The following FAM120B variants were observed in gnomAD, a reference collection of about 807,000 sequenced individuals.
The protein encoded by FAM120B is constitutive coactivator of peroxisome proliferator-activated receptor gamma.
FAM120B carries 83 observed loss-of-function variants against 96.3 expected under a neutral mutation model. That is an observed-to-expected ratio of 0.86 (90% CI 0.72 to 1.03). The LOEUF (loss-of-function observed/expected upper bound fraction) is 1.03. Among genes scored for constraint, FAM120B ranks in the 50% least tolerant of loss-of-function variants. The pLI is 0.00. For missense variants in FAM120B, 1,027 were observed against 1,121.2 expected, an observed-to-expected ratio of 0.92 and a Z score of 1.20; for synonymous variants, 407 against 402.7, an observed-to-expected ratio of 1.01 and a Z score of -0.13.
rs368053635 is a variant in FAM120B, at chr6:170,318,345, A to T, written c.955A>T (p.Lys319Ter). The change falls in exon 2 of 11, where the codon AAA becomes TAA. Residue 319 changes from lysine (K) to a stop codon, truncating the protein, a stop_gained. Coordinates refer to ENST00000476287, the MANE Select transcript of FAM120B (RefSeq NM_032448.3). LOFTEE classifies it high-confidence loss of function. ...ATCTCCATGGTTTTTCCAAAAACCCAAAGGTGTAATAACTTTGGACAAACA... is the reference window on the plus strand; with the variant it reads ...ATCTCCATGGTTTTTCCAAAAACCCTAAGGTGTAATAACTTTGGACAAACA... ...QKSPWFFQKP[K>*]GVITLDKQVI... The T allele has an allele frequency of 6.2e-7, 1 of 1,614,226 alleles. No individual in the cohort carries two copies. Among genetic ancestry groups the T allele is most frequent in the Non-Finnish European group, 8.5e-7 (1 of 1,180,044 alleles).
At chr6:170,376,769 G>A (rs527659663) in intron 6 of FAM120B, among the ~76,000 whole-genome samples, 5 of 152,240 alleles carry the variant, frequency 3.3e-5, no homozygotes, top group Non-Finnish European at 7.3e-5. Context: ...TAGCCAGATG[G>A]GAACATGGAG....
At chr6:170,387,925 A>G (rs1267774462) in intron 6 of FAM120B, among the ~76,000 whole-genome samples, 1 of 152,228 alleles carries the variant, frequency 6.6e-6, no homozygotes. Context: ...CTAGTGGACC[A>G]CAGTTTTCAC....
chr6:170,404,604 A>G lies in FAM120B; in HGVS notation c.*11+3A>G. ...AGAAGGTACTAGTCAACCTCCAGGT[A>G]AGTTCATCACCTGCATCTCCAGAAG... On this transcript the variant is annotated splice_donor_region_variant and intron_variant, in intron 10 of 10. Transcript: ENST00000476287. 6.2e-7 allele frequency: 1 copy of G among 1,608,702 alleles called. No homozygotes were observed. The highest frequency in any genetic ancestry group is 8.5e-7 in the Non-Finnish European group (1 of 1,175,084).
intron 9 of FAM120B, among the ~76,000 whole-genome samples, chr6:170,396,318 C>T (rs748033924): frequency 2.6e-5 from 4 of 152,150 alleles, no homozygotes; most frequent in Non-Finnish European, 5.9e-5. Flanking sequence ...GGGTCTGTCT[C>T]GGGTGGAGTC....
intron 9 of FAM120B, among the ~76,000 whole-genome samples, chr6:170,399,665 A>G (rs28447672): frequency 5.8e-5 from 8 of 137,246 alleles, no homozygotes; most frequent in South Asian, 4.9e-4. Flanking sequence ...GTCATAACTT[A>G]GGAGTGAGTG....
chr6:170,400,841 G>A (rs1039224734), intron 9 of FAM120B, among the ~76,000 whole-genome samples: 9 of 152,168 alleles, frequency 5.9e-5, no homozygotes, highest in African/African-American at 1.9e-4. Flanking sequence ...GTGGCCTGGC[G>A]GGAGCAGAGC....
chr6:170,405,715 G>A lies in FAM120B; in HGVS notation c.*964G>A, dbSNP rs1357724538. ...CAACTAACTTCCCATCTTTCTGGTG[G>A]AAGAGTTAATTCTGCCTGGAGGGTT... is the stretch of plus-strand genomic sequence containing the variant. On this transcript the variant is annotated 3_prime_UTR_variant, in exon 11 of 11. Coordinates refer to ENST00000476287, the MANE Select transcript of FAM120B (RefSeq NM_032448.3). 6.6e-6 allele frequency: 1 copy of A among 152,224 alleles called. No individual in the cohort carries two copies. Among genetic ancestry groups the A allele is most frequent in the East Asian group, 1.9e-4 (1 of 5,196 alleles). 9.4% of individuals were successfully genotyped at this position (152,224 alleles called of 1,614,324 possible).
chr6:170,290,802 T>G, upstream of FAM120B: 1 of 589,792 alleles, frequency 1.7e-6, no homozygotes, highest in Non-Finnish European at 3.0e-6. This position sits in a 1 kb window ranked among gnomAD's most constrained non-coding sequence, Gnocchi z 4.7. Context: ...GCCAATGCCA[T>G]CCAGTACACA....
chr6:170,292,515 G>A (rs1783907765), upstream of FAM120B, among the ~76,000 whole-genome samples: 1 of 152,236 alleles, frequency 6.6e-6, no homozygotes, highest in South Asian at 2.1e-4. The surrounding 1 kb of genome is among the most constrained non-coding windows in gnomAD (Gnocchi z 6.6). Flanking sequence ...CCTGGCCACA[G>A]TGTCCTCACT....
At chr6:170,356,043 G>A (rs1018149310) in intron 5 of FAM120B, among the ~76,000 whole-genome samples, 9 of 152,286 alleles carry the variant, frequency 5.9e-5, no homozygotes, top group South Asian at 2.1e-4. Flanking sequence ...GTCACGCAGC[G>A]CAGTTCTACC....
chr6:170,367,784 A>G lies in FAM120B; in HGVS notation c.2283+9466A>G, dbSNP rs185875751. The stretch of plus-strand genomic sequence containing the variant: ...CTATCTTATTCTTAGAAAAATGAAG[A>G]TATAATTATGTGTCTTGGCATTGGT... On this transcript the variant is annotated intron_variant, in intron 6 of 10. Coordinates refer to ENST00000476287, the MANE Select transcript of FAM120B (RefSeq NM_032448.3). Among the ~76,000 whole-genome samples, 613 of 152,346 alleles carry G rather than the reference A, an allele frequency of 4.0e-3. 3 individuals are homozygous for G. Among genetic ancestry groups the G allele is most frequent in the South Asian group, 0.011 (51 of 4,828 alleles).
intron 1 of FAM120B, among the ~76,000 whole-genome samples, chr6:170,310,375 T>C (rs1287473056): frequency 1.3e-5 from 2 of 152,176 alleles, no homozygotes; most frequent in Non-Finnish European, 2.9e-5. Flanking sequence ...GGAGAGATCT[T>C]GGGTAAGGAA....
chr6:170,309,512 T>C (rs563417831), intron 1 of FAM120B, among the ~76,000 whole-genome samples: 2 of 152,358 alleles, frequency 1.3e-5, no homozygotes, highest in South Asian at 4.1e-4. Flanking sequence ...TCAGTTCTTA[T>C]TATAGAACAT....
chr6:170,353,478 G>T (rs892397823), intron 5 of FAM120B, among the ~76,000 whole-genome samples: 5 of 152,130 alleles, frequency 3.3e-5, no homozygotes, highest in Non-Finnish European at 5.9e-5. Flanking sequence ...TATCCTTGAT[G>T]AACATTGATG....
intron 4 of FAM120B, among the ~76,000 whole-genome samples, chr6:170,333,682 C>T (rs1172515057): frequency 2.6e-5 from 4 of 152,206 alleles, no homozygotes; most frequent in East Asian, 3.9e-4. Flanking sequence ...GTCTGGGTTT[C>T]GCCTTGTTGG....
intron 8 of FAM120B, among the ~76,000 whole-genome samples, chr6:170,393,014 T>C (rs1392301416): frequency 6.6e-6 from 1 of 152,178 alleles, no homozygotes; most frequent in Non-Finnish European, 1.5e-5. Context: ...TGGTTGGCAG[T>C]AGGTCCTCAG....
chr6:170,361,215 TATATATATATATATATATATAC>T (rs1788385571), intron 6 of FAM120B, among the ~76,000 whole-genome samples: 4 of 103,484 alleles, frequency 3.9e-5, no homozygotes, highest in East Asian at 2.3e-3. Context: ...TATATATATA[TATATATATATATATATATATAC>T]ACGTATATAT....
At chr6:170,397,393 G>A (rs1778230957) in intron 9 of FAM120B, among the ~76,000 whole-genome samples, 1 of 152,132 alleles carries the variant, frequency 6.6e-6, no homozygotes, top group African/African-American at 2.4e-5. Context: ...ATGAGAGGGT[G>A]GGAGCTGATG....
At chr6:170,350,511 C>T (rs1195168438) in intron 5 of FAM120B, among the ~76,000 whole-genome samples, 1 of 152,222 alleles carries the variant, frequency 6.6e-6, no homozygotes, top group Non-Finnish European at 1.5e-5. Context: ...TAGGGGTCTC[C>T]AGCCACCTCC....
Sources: allele counts gnomAD v4.1 joint callset (sites outside exome capture counted in the v4.1 genomes callset), GRCh38; gene constraint gnomAD v4.1.1; non-coding constraint Gnocchi (gnomAD v3.1); transcripts MANE v1.5; gene names NCBI Gene and HGNC (gene_info 2026-07-23, HGNC 2026-07-21).